TTLL5: variants seen among roughly 807,000 people sequenced by gnomAD.
TTLL5 encodes tubulin polyglutamylase TTLL5.
In TTLL5, 132 loss-of-function variants were observed where a neutral mutation model predicts 168.4. That is an observed-to-expected ratio of 0.78 (90% CI 0.68 to 0.91). The LOEUF (loss-of-function observed/expected upper bound fraction) is 0.91, where lower values mean the gene tolerates loss of function less well. Ranked by LOEUF, TTLL5 falls within the 40% of genes least tolerant of loss-of-function variation. The pLI is 0.00. For synonymous variants in TTLL5, 546 were observed against 558.6 expected (o/e 0.98, Z 0.32); for missense variants, 1,545 against 1,581.5 (o/e 0.98, Z 0.39).
intron 24 of TTLL5, 58 bp downstream of exon 24, chr14:75,779,760 G>A: frequency 6.5e-7 from 1 of 1,535,300 alleles, no homozygotes; most frequent in Non-Finnish European, 8.8e-7. Flanking sequence ...AATGAGAAAT[G>A]CAAAGGAGAA....
chr14:75,779,451 G>A, intron 23 of TTLL5, 124 bp from the exon 24 acceptor site: 1 of 1,380,672 alleles, frequency 7.2e-7, no homozygotes, highest in Non-Finnish European at 9.9e-7. Context: ...TATTAATAGG[G>A]AATTTTCAGC....
intron 3 of TTLL5, among the ~76,000 whole-genome samples, chr14:75,676,420 CT>C (rs1884161090): frequency 6.6e-6 from 1 of 152,206 alleles, no homozygotes; most frequent in Non-Finnish European, 1.5e-5. Flanking sequence ...CATCTGCAGG[CT>C]AGGTCTGGTT....
chr14:75,845,024 C>G (rs916674078), intron 28 of TTLL5, among the ~76,000 whole-genome samples: 1 of 152,140 alleles, frequency 6.6e-6, no homozygotes, highest in Non-Finnish European at 1.5e-5. Context: ...TCCTAATGCC[C>G]GGAATGTCCT....
intron 3 of TTLL5, among the ~76,000 whole-genome samples, chr14:75,678,769 A>G (rs1190546280): frequency 6.6e-6 from 1 of 152,124 alleles, no homozygotes; most frequent in African/African-American, 2.4e-5. Context: ...TGATGCTATT[A>G]TTTTGCAGTA....
At chr14:75,906,223 G>A (rs994293800) in intron 31 of TTLL5, among the ~76,000 whole-genome samples, 48 of 152,090 alleles carry the variant, frequency 3.2e-4, no homozygotes, top group African/African-American at 1.1e-3. Flanking sequence ...CAACAGAATG[G>A]CCTATTTTCA....
chr14:75,667,529 T>G (rs559389524), intron 2 of TTLL5, among the ~76,000 whole-genome samples: 1 of 152,210 alleles, frequency 6.6e-6, no homozygotes, highest in Non-Finnish European at 1.5e-5. Context: ...AAAGGTACCC[T>G]ATCAGCACCG....
At chr14:75,908,485 C>T (rs2033237627) in intron 31 of TTLL5, among the ~76,000 whole-genome samples, 2 of 152,254 alleles carry the variant, frequency 1.3e-5, no homozygotes, top group Non-Finnish European at 2.9e-5. Flanking sequence ...CCGGCCATGA[C>T]AGTCCTAGAA....
intron 29 of TTLL5, among the ~76,000 whole-genome samples, chr14:75,872,629 G>T (rs552270072): frequency 2.0e-5 from 3 of 152,200 alleles, no homozygotes; most frequent in African/African-American, 4.8e-5. Flanking sequence ...TCAATAAAAG[G>T]CCGGGTGTGG....
Position 75,952,876 on chromosome 14 carries a change from G to A in TTLL5, c.3824-1548G>A, listed in dbSNP as rs561928358. On this transcript the variant is annotated intron_variant, in intron 31 of 31. Transcript: ENST00000298832. Reference sequence around the variant, plus strand: ...AGCTGAGGGATGAGAGATGTAGGGGGTGGTGGCGAAGAAGTATGGGGTTTA... The same window carrying A: ...AGCTGAGGGATGAGAGATGTAGGGGATGGTGGCGAAGAAGTATGGGGTTTA... Among the ~76,000 whole-genome samples the A allele has an allele frequency of 2.6e-5, 4 of 152,330 alleles. No individual in the cohort carries two copies. In the South Asian group the frequency reaches 8.3e-4, roughly 32 times the overall value.
intron 15 of TTLL5, among the ~76,000 whole-genome samples, chr14:75,743,428 TG>T (rs1386988607): frequency 6.6e-6 from 1 of 151,714 alleles, no homozygotes; most frequent in East Asian, 1.9e-4. Context: ...AAGTCCGAGG[TG>T]CCGGCAAGAT....
At chr14:75,848,753 A>G (rs1896688160) in intron 28 of TTLL5, among the ~76,000 whole-genome samples, 1 of 152,260 alleles carries the variant, frequency 6.6e-6, no homozygotes. Flanking sequence ...ATAAAGGACC[A>G]GGGAGTCTCT....
intron 31 of TTLL5, among the ~76,000 whole-genome samples, chr14:75,937,098 G>T (rs1177376824): frequency 2.0e-5 from 3 of 150,076 alleles, no homozygotes; most frequent in Non-Finnish European, 4.4e-5. Context: ...CCATTTTTAA[G>T]TGTATGGCAT....
intron 31 of TTLL5, among the ~76,000 whole-genome samples, chr14:75,914,033 A>AAAAAAAAAAAATATATATATAT: frequency 2.5e-4 from 18 of 71,068 alleles, no homozygotes; most frequent in South Asian, 5.5e-4. Context: ...AAAAAAAAAA[A>AAAAAAAAAAAATATATATATAT]ATATATATAT....
At chr14:75,666,002 C>T (rs1055849449) in intron 2 of TTLL5, among the ~76,000 whole-genome samples, 3 of 152,184 alleles carry the variant, frequency 2.0e-5, no homozygotes, top group African/African-American at 7.2e-5. Context: ...GTAATTTTCC[C>T]TCTGCTCCCA....
chr14:75,937,617 G>A (rs11159159), intron 31 of TTLL5, among the ~76,000 whole-genome samples: 122,266 of 152,098 alleles, frequency 0.8, 49,330 homozygotes, highest in African/African-American at 0.87. Context: ...GGAATCATAC[G>A]GTATTTGTCA....
intron 17 of TTLL5, among the ~76,000 whole-genome samples, chr14:75,749,292 T>G (rs1349449160): frequency 6.6e-6 from 1 of 152,208 alleles, no homozygotes; most frequent in East Asian, 1.9e-4. Flanking sequence ...ATGGAATCAA[T>G]TACAAATAAT....
At chr14:75,895,941 G>A (rs976223904) in intron 30 of TTLL5, among the ~76,000 whole-genome samples, 1 of 152,106 alleles carries the variant, frequency 6.6e-6, no homozygotes, top group African/African-American at 2.4e-5. Context: ...TACTGGGATG[G>A]CCTCTGGAAA....
intron 20 of TTLL5, among the ~76,000 whole-genome samples, chr14:75,767,869 G>A (rs1232112741): frequency 6.6e-6 from 1 of 152,186 alleles, no homozygotes; most frequent in Non-Finnish European, 1.5e-5. Flanking sequence ...GAGAGAATGG[G>A]ATGGACTTAG....
chr14:75,673,286 A>C (rs1227661354), intron 3 of TTLL5, among the ~76,000 whole-genome samples: 1 of 152,148 alleles, frequency 6.6e-6, no homozygotes, highest in Non-Finnish European at 1.5e-5. Flanking sequence ...TAAAATTCCA[A>C]CTTTTGCTTT....
Sources: gnomAD v4.1 joint callset for allele counts (sites outside exome capture counted in the v4.1 genomes callset) on GRCh38, gnomAD v4.1.1 for gene constraint, MANE v1.5 for transcripts, NCBI Gene and HGNC (gene_info 2026-07-23, HGNC 2026-07-21) for gene names.